VSNL1: variants seen among roughly 807,000 people sequenced by gnomAD.
VSNL1 encodes the protein visinin like 1, also known as visinin-like protein 1.
In VSNL1, 6 loss-of-function variants were observed where a neutral mutation model predicts 20.4. The ratio of observed to expected loss-of-function variants is 0.29; its 90% CI spans 0.16 to 0.58. The LOEUF (loss-of-function observed/expected upper bound fraction) is 0.58, where lower values mean the gene tolerates loss of function less well. Among genes scored for constraint, VSNL1 ranks in the 20% least tolerant of loss-of-function variants. The pLI is 0.90. For synonymous variants in VSNL1, 93 were observed against 86.4 expected (o/e 1.08, Z -0.42); for missense variants, 100 against 234.5 (o/e 0.43, Z 3.75).
chr2:17,553,063 G>A (rs1326911391), intron 1 of VSNL1, among the ~76,000 whole-genome samples: 1 of 152,062 alleles, frequency 6.6e-6, no homozygotes, highest in Non-Finnish European at 1.5e-5. Flanking sequence ...AGGGGGAGGG[G>A]GAAAGAGAGA....
intron 1 of VSNL1, among the ~76,000 whole-genome samples, chr2:17,563,263 A>G (rs1663860233): frequency 6.6e-6 from 1 of 152,226 alleles, no homozygotes; most frequent in Non-Finnish European, 1.5e-5. Context: ...AATTATCTCC[A>G]TTTAACAGAA....
intron 2 of VSNL1, among the ~76,000 whole-genome samples, chr2:17,642,496 G>C (rs1241463550): frequency 6.6e-6 from 1 of 151,952 alleles, no homozygotes; most frequent in African/African-American, 2.4e-5. Context: ...ATTTAGTAGA[G>C]ACAGGGTTTC....
intron 1 of VSNL1, among the ~76,000 whole-genome samples, chr2:17,584,972 A>G (rs1202074401): frequency 6.6e-6 from 1 of 152,040 alleles, no homozygotes; most frequent in Non-Finnish European, 1.5e-5. Context: ...TGTTTACTAT[A>G]CTTTGGCAAA....
intron 3 of VSNL1, among the ~76,000 whole-genome samples, chr2:17,651,665 G>GA (rs1666125473): frequency 6.6e-6 from 1 of 152,306 alleles, no homozygotes; most frequent in East Asian, 1.9e-4. Context: ...GGCCCGGTGG[G>GA]CAGTCCGGGC....
At chr2:17,623,669 C>CAAAAA (rs5829599) in intron 2 of VSNL1, among the ~76,000 whole-genome samples, 3 of 70,348 alleles carry the variant, frequency 4.3e-5, no homozygotes, top group Admixed American at 1.7e-4. Context: ...GACTCCATCT[C>CAAAAA]AAAAAAAAAA....
At chr2:17,612,466 A>G (rs922202557) in intron 2 of VSNL1, among the ~76,000 whole-genome samples, 2 of 152,190 alleles carry the variant, frequency 1.3e-5, no homozygotes, top group East Asian at 1.9e-4. Context: ...GAAAATACAC[A>G]TAGACATTCA....
rs1383820699 is a variant in VSNL1, at chr2:17,585,800, C to CT, written c.-5-6263dup. On this transcript the variant is annotated intron_variant, in intron 1 of 3. Coordinates refer to ENST00000295156, the MANE Select transcript of VSNL1 (RefSeq NM_003385.5). ...TCTTCCCTTGTGTGATCTTGGAATT[C>CT]TTTTTTTCTTTTTTTTTTTTTTGAG... is the stretch of plus-strand genomic sequence containing the variant. Among the ~76,000 whole-genome samples, 547 of 148,232 alleles carry CT rather than the reference C, an allele frequency of 3.7e-3. 5 individuals are homozygous for CT. The highest frequency in any genetic ancestry group is 9.8e-3 in the African/African-American group (387 of 39,306).
chr2:17,626,395 G>C (rs1351997848), intron 2 of VSNL1, among the ~76,000 whole-genome samples: 1 of 152,218 alleles, frequency 6.6e-6, no homozygotes, highest in African/African-American at 2.4e-5. Context: ...TGGAAAAGGT[G>C]ACAGGAGTAG....
intron 2 of VSNL1, among the ~76,000 whole-genome samples, chr2:17,638,909 A>G (rs146346227): frequency 0.012 from 1,780 of 152,274 alleles, 15 homozygotes; most frequent in Non-Finnish European, 0.019. Context: ...TATCCCTCAA[A>G]TGCTCTGCAG....
intron 1 of VSNL1, among the ~76,000 whole-genome samples, chr2:17,591,360 A>G (rs1664589849): frequency 6.6e-6 from 1 of 152,220 alleles, no homozygotes; most frequent in Non-Finnish European, 1.5e-5. Flanking sequence ...CTTATGCACT[A>G]TTACTTTAAC....
chr2:17,617,866 T>TACATGC (rs70961500), intron 2 of VSNL1, among the ~76,000 whole-genome samples: 1 of 151,212 alleles, frequency 6.6e-6, no homozygotes, highest in Non-Finnish European at 1.5e-5. Context: ...TTCACCTGCA[T>TACATGC]ACATGCACAT....
At chr2:17,556,252 G>A (rs950567443) in intron 1 of VSNL1, among the ~76,000 whole-genome samples, 3 of 152,106 alleles carry the variant, frequency 2.0e-5, no homozygotes, top group Admixed American at 1.3e-4. Flanking sequence ...AAAATGTAAC[G>A]TTTATGAACC....
At chr2:17,594,706 C>T (rs966245631) in intron 2 of VSNL1, among the ~76,000 whole-genome samples, 1 of 152,174 alleles carries the variant, frequency 6.6e-6, no homozygotes. Flanking sequence ...CACATCCCCT[C>T]TTGCTACCAG....
intron 2 of VSNL1, among the ~76,000 whole-genome samples, chr2:17,611,202 T>C (rs1218403446): frequency 6.6e-6 from 1 of 152,222 alleles, no homozygotes; most frequent in African/African-American, 2.4e-5. Context: ...CTGCCCTAGA[T>C]ACCATTATTA....
intron 2 of VSNL1, among the ~76,000 whole-genome samples, chr2:17,643,335 T>C (rs1665924400): frequency 1.3e-5 from 2 of 152,202 alleles, no homozygotes; most frequent in African/African-American, 4.8e-5. Context: ...AGTGCTGCTC[T>C]GGGCTGATTC....
chr2:17,653,379 G>T (rs1007531571), intron 3 of VSNL1, among the ~76,000 whole-genome samples: 104 of 152,264 alleles, frequency 6.8e-4, no homozygotes, highest in Middle Eastern at 3.4e-3. Context: ...CTCATGTAAG[G>T]GCTTTTGATT....
intron 3 of VSNL1, among the ~76,000 whole-genome samples, chr2:17,652,725 A>G (rs1197877983): frequency 6.6e-6 from 1 of 152,236 alleles, no homozygotes; most frequent in African/African-American, 2.4e-5. Flanking sequence ...CTTCTTTGTG[A>G]ACTTTTATCC....
intron 1 of VSNL1, among the ~76,000 whole-genome samples, chr2:17,590,935 C>T (rs1199582751): frequency 1.3e-5 from 2 of 152,084 alleles, no homozygotes; most frequent in Non-Finnish European, 2.9e-5. Context: ...TCAAGTTTAA[C>T]TTGACTTTTT....
At chr2:17,615,619 C>T (rs1254374979) in intron 2 of VSNL1, among the ~76,000 whole-genome samples, 1 of 152,184 alleles carries the variant, frequency 6.6e-6, no homozygotes, top group Non-Finnish European at 1.5e-5. Flanking sequence ...TTATTTTTGT[C>T]ACATACAAAG....
Sources: gnomAD v4.1 joint callset for allele counts (sites outside exome capture counted in the v4.1 genomes callset) on GRCh38, gnomAD v4.1.1 for gene constraint, MANE v1.5 for transcripts, NCBI Gene and HGNC (gene_info 2026-07-23, HGNC 2026-07-21) for gene names.